The following RNF130 variants were observed in gnomAD, a reference collection of about 807,000 sequenced individuals.
The protein encoded by RNF130 is ring finger protein 130.
Under a neutral mutation model 44.6 loss-of-function variants are expected in RNF130, and 21 were observed. That is an observed-to-expected ratio of 0.47 (90% CI 0.33 to 0.68). The LOEUF is 0.68. Ranked by LOEUF, RNF130 falls within the 30% of genes least tolerant of loss-of-function variation. The pLI, the probability that RNF130 is intolerant of heterozygous loss-of-function variation, is 0.02. For missense variants in RNF130, 479 were observed against 560.6 expected, an observed-to-expected ratio of 0.85 and a Z score of 1.47; for synonymous variants, 214 against 210.4, an observed-to-expected ratio of 1.02 and a Z score of -0.15.
intron 7 of RNF130, among the ~76,000 whole-genome samples, chr5:179,923,601 G>A (rs935994447): frequency 6.6e-5 from 10 of 152,162 alleles, no homozygotes; most frequent in African/African-American, 2.4e-4. Flanking sequence ...GGCCAACAGT[G>A]CAAAGCGTGT....
At chr5:179,979,679 C>T (rs1046359399) in intron 4 of RNF130, among the ~76,000 whole-genome samples, 2 of 152,280 alleles carry the variant, frequency 1.3e-5, no homozygotes, top group Non-Finnish European at 2.9e-5. Context: ...CTCCCTTGGT[C>T]CTCCAAGCCA....
At chr5:179,975,987 A>G (rs1762709000) in intron 5 of RNF130, among the ~76,000 whole-genome samples, 1 of 87,862 alleles carries the variant, frequency 1.1e-5, no homozygotes, top group South Asian at 2.5e-4. Flanking sequence ...AAAGCCTCCC[A>G]CTGACTCTGA....
chr5:180,064,973 C>T (rs2113188428), intron 1 of RNF130, among the ~76,000 whole-genome samples: 1 of 152,286 alleles, frequency 6.6e-6, no homozygotes, highest in South Asian at 2.1e-4. Context: ...CATATTTTAG[C>T]TTGCTTCATA....
chr5:180,028,174 C>T (rs910063390), intron 2 of RNF130, among the ~76,000 whole-genome samples: 12 of 152,154 alleles, frequency 7.9e-5, no homozygotes, highest in South Asian at 2.1e-4. Context: ...TCCTCAACTC[C>T]GACTCGGATG....
intron 5 of RNF130, among the ~76,000 whole-genome samples, chr5:179,974,333 G>A (rs17079868): frequency 0.043 from 6,506 of 152,212 alleles, 234 homozygotes; most frequent in East Asian, 0.11. Context: ...TACACACTCC[G>A]ATGGCCGACC....
chr5:179,982,402 A>G (rs1048362477), intron 3 of RNF130, among the ~76,000 whole-genome samples: 1 of 152,048 alleles, frequency 6.6e-6, no homozygotes, highest in Admixed American at 6.6e-5. Flanking sequence ...TGAGGTAAAT[A>G]CTGCAAGTAG....
In RNF130 at chr5:179,945,901, G is replaced by A. The variant is rs377717687; in HGVS notation, c.1150+20905C>T. ...TATACCCACTCAACAATAAATGCCC[G>A]GAGGGAAAAAGGCGGGGGCAGGGAT... On this transcript the variant is annotated intron_variant, in intron 7 of 7. Coordinates refer to the RNF130 transcript ENST00000522208. Among the ~76,000 whole-genome samples the A allele has an allele frequency of 3.2e-4, 41 of 129,770 alleles. No homozygotes were observed. In the East Asian group the frequency reaches 6.6e-3, roughly 21 times the overall value. 85.1% of individuals were successfully genotyped at this position (129,770 alleles called of 152,430 possible). A position where few individuals can be genotyped will look rare whatever the true frequency, so the allele number is the denominator to read the frequency against.
chr5:180,026,828 A>T (rs1230345444), intron 2 of RNF130, among the ~76,000 whole-genome samples: 2 of 152,226 alleles, frequency 1.3e-5, no homozygotes, highest in Non-Finnish European at 2.9e-5. Flanking sequence ...CATTCTGCTG[A>T]CCACTGCAGA....
chr5:180,034,071 A>G (rs977047989), intron 2 of RNF130, among the ~76,000 whole-genome samples: 7 of 150,392 alleles, frequency 4.7e-5, no homozygotes, highest in African/African-American at 1.7e-4. Flanking sequence ...CAGGCTGAGG[A>G]TATTTCCTAA....
chr5:180,013,358 T>G (rs10516141), intron 2 of RNF130, 47 bp from the exon 3 acceptor site: 1 of 1,509,704 alleles, frequency 6.6e-7, no homozygotes, highest in Non-Finnish European at 9.0e-7. Context: ...TTAAAACTTA[T>G]GGAAACATCA....
At chr5:180,010,933 T>C (rs1763580562) in intron 3 of RNF130, among the ~76,000 whole-genome samples, 1 of 152,184 alleles carries the variant, frequency 6.6e-6, no homozygotes. Flanking sequence ...TTCAGTGTAT[T>C]TAGGAAGATC....
intron 2 of RNF130, among the ~76,000 whole-genome samples, chr5:180,036,821 G>A (rs1764260314): frequency 7.5e-6 from 1 of 133,014 alleles, no homozygotes. Context: ...AGAATATAAT[G>A]TCTGTCTACC....
chr5:179,924,786 C>A (rs1452950687), intron 7 of RNF130, among the ~76,000 whole-genome samples: 2 of 150,432 alleles, frequency 1.3e-5, no homozygotes, highest in African/African-American at 2.4e-5. Context: ...GAGGCTATCT[C>A]AAAAAAAAAT....
At position 179,920,428 on chromosome 5, in the gene RNF130, T is replaced by C. The variant is rs1475588540; in HGVS notation, c.1151-2A>G. ...AGTTTCGATGAAAGAAGTGACCACCTGGAAAAGGAAGAAGAGAAAGAGACT... is the reference window on the plus strand; with the variant it reads ...AGTTTCGATGAAAGAAGTGACCACCCGGAAAAGGAAGAAGAGAAAGAGACT... On this transcript the variant is annotated splice_acceptor_variant, in intron 7 of 7. Transcript: ENST00000522208. LOFTEE classifies it high-confidence loss of function. 2 of 702,166 alleles carry C rather than the reference T, an allele frequency of 2.8e-6. No homozygotes were observed. The highest frequency in any genetic ancestry group is 3.5e-5 in the African/African-American group (2 of 57,226). 43.5% of individuals were successfully genotyped at this position (702,166 alleles called of 1,614,324 possible). A position where few individuals can be genotyped will look rare whatever the true frequency, so the allele number is the denominator to read the frequency against.
chr5:180,039,462 T>G (rs1238209219), intron 2 of RNF130, among the ~76,000 whole-genome samples: 1 of 152,098 alleles, frequency 6.6e-6, no homozygotes, highest in South Asian at 2.1e-4. Context: ...GGTTTCAAAC[T>G]CCTGACCTCA....
intron 2 of RNF130, among the ~76,000 whole-genome samples, chr5:180,035,487 G>A (rs976715308): frequency 2.0e-5 from 3 of 152,202 alleles, no homozygotes; most frequent in Admixed American, 6.5e-5. Context: ...TCAGTATGTA[G>A]AGTGTGCTAC....
downstream of RNF130, among the ~76,000 whole-genome samples, chr5:179,950,095 T>C (rs1416572304): frequency 6.6e-6 from 1 of 152,172 alleles, no homozygotes; most frequent in Non-Finnish European, 1.5e-5. Context: ...TGACAGTTGA[T>C]AGCATCATGC....
At chr5:180,023,268 C>T (rs1477528992) in intron 2 of RNF130, among the ~76,000 whole-genome samples, 1 of 152,186 alleles carries the variant, frequency 6.6e-6, no homozygotes, top group Non-Finnish European at 1.5e-5. Flanking sequence ...AGGATACACG[C>T]ATGTATTTCC....
chr5:179,949,742 T>C (rs965937876), intron 7 of RNF130, among the ~76,000 whole-genome samples: 1 of 152,236 alleles, frequency 6.6e-6, no homozygotes, highest in Non-Finnish European at 1.5e-5. Flanking sequence ...TTCAGAGGAA[T>C]GTGGCTCTGC....
Sources: allele counts gnomAD v4.1 joint callset (sites outside exome capture counted in the v4.1 genomes callset), GRCh38; gene constraint gnomAD v4.1.1; transcripts MANE v1.5; gene names NCBI Gene and HGNC (gene_info 2026-07-23, HGNC 2026-07-21).